The following KIF25 variants were observed in gnomAD, a reference collection of about 807,000 sequenced individuals.
KIF25 encodes kinesin-like protein KIF25.
A neutral mutation model predicts 32.9 loss-of-function variants in KIF25; 19 were observed. The observed-to-expected ratio is 0.58, with a 90% confidence interval of 0.40 to 0.85. The LOEUF (loss-of-function observed/expected upper bound fraction) is 0.85. KIF25 is among the 40% of genes least tolerant of loss of function. KIF25 has a pLI of 0.00. For synonymous variants in KIF25, 225 were observed against 213.7 expected (o/e 1.05, Z -0.46); for missense variants, 485 against 507.0 (o/e 0.96, Z 0.42).
chr6:168,021,098 G>A (rs765198457), intron 5 of KIF25, among the ~76,000 whole-genome samples: 1 of 152,210 alleles, frequency 6.6e-6, no homozygotes, highest in Non-Finnish European at 1.5e-5. Context: ...TTAAGACAGC[G>A]TGATAGAGGC....
chr6:168,019,949 T>C (rs535859987), intron 5 of KIF25, among the ~76,000 whole-genome samples: 1 of 152,234 alleles, frequency 6.6e-6, no homozygotes, highest in East Asian at 1.9e-4. Context: ...CCTGGCCAAA[T>C]GGTGAAACCC....
intron 4 of KIF25, among the ~76,000 whole-genome samples, chr6:168,009,208 A>G (rs9346639): frequency 0.2 from 30,718 of 151,930 alleles, 3,523 homozygotes; most frequent in East Asian, 0.3. Flanking sequence ...GGTTTGTTAT[A>G]TATTGTCTTT....
intron 4 of KIF25, among the ~76,000 whole-genome samples, chr6:168,013,998 C>G (rs565972114): frequency 4.0e-4 from 50 of 123,574 alleles, no homozygotes; most frequent in Middle Eastern, 4.1e-3. Flanking sequence ...TCCCACCATG[C>G]AAATATATAT....
rs529298270 is a variant in KIF25, at chr6:168,029,537, C to T, written c.-49C>T. 1 of 1,585,920 alleles carries T rather than the reference C, an allele frequency of 6.3e-7. No homozygotes were observed. Among genetic ancestry groups the T allele is most frequent in the Non-Finnish European group, 8.6e-7 (1 of 1,169,434 alleles). ...GACATGGACCTCAGGTCAGCTTCAGCGTGAGAAGCAGGCCAGGCCTGGGTC... is the reference window on the plus strand; with the variant it reads ...GACATGGACCTCAGGTCAGCTTCAGTGTGAGAAGCAGGCCAGGCCTGGGTC... On this transcript the variant is annotated 5_prime_UTR_variant, in exon 6 of 13. Transcript: ENST00000643607.
chr6:168,007,881 G>C (rs1798599270), intron 4 of KIF25, among the ~76,000 whole-genome samples: 1 of 152,162 alleles, frequency 6.6e-6, no homozygotes, highest in East Asian at 1.9e-4. Flanking sequence ...CATCTTAGTT[G>C]ATAAAGAAGC....
intron 5 of KIF25, among the ~76,000 whole-genome samples, chr6:168,029,023 T>C (rs1331263651): frequency 6.6e-6 from 1 of 152,222 alleles, no homozygotes; most frequent in Non-Finnish European, 1.5e-5. Context: ...CCATATTAGC[T>C]CCAAGTAGAG....
intron 4 of KIF25, among the ~76,000 whole-genome samples, chr6:168,017,192 GAC>G (rs1554249707): frequency 7.8e-6 from 1 of 128,394 alleles, no homozygotes; most frequent in Non-Finnish European, 1.8e-5. Context: ...TGTTATTGCA[GAC>G]ACACACACAC....
intron 8 of KIF25, among the ~76,000 whole-genome samples, chr6:168,035,281 G>A: frequency 6.6e-6 from 1 of 151,332 alleles, no homozygotes; most frequent in Non-Finnish European, 1.5e-5. Context: ...GTGCTTCCGA[G>A]GCCGTTTCCC....
At chr6:168,015,059 T>G (rs1453264718) in intron 4 of KIF25, among the ~76,000 whole-genome samples, 1 of 152,244 alleles carries the variant, frequency 6.6e-6, no homozygotes, top group African/African-American at 2.4e-5. Context: ...GACAAAATTT[T>G]TAATGGTCAG....
intron 10 of KIF25, among the ~76,000 whole-genome samples, chr6:168,040,756 A>G (rs1201771304): frequency 6.6e-6 from 1 of 152,212 alleles, no homozygotes; most frequent in East Asian, 1.9e-4. Flanking sequence ...TGCTAAATAA[A>G]ATATAATGCA....
At chr6:168,025,508 T>C (rs378910) in intron 5 of KIF25, among the ~76,000 whole-genome samples, 1 of 152,158 alleles carries the variant, frequency 6.6e-6, no homozygotes, top group Non-Finnish European at 1.5e-5. Flanking sequence ...GGCTGAACCG[T>C]GTCAGCTGGT....
chr6:168,031,202 A>G (rs1333577713), intron 7 of KIF25, among the ~76,000 whole-genome samples: 1 of 152,246 alleles, frequency 6.6e-6, no homozygotes, highest in Non-Finnish European at 1.5e-5. Context: ...AGGAATGTTA[A>G]TGTCAGATTT....
chr6:168,029,827 C>A, intron 6 of KIF25, 150 bp downstream of exon 6: 3 of 979,590 alleles, frequency 3.1e-6, no homozygotes, highest in Non-Finnish European at 4.5e-6. Flanking sequence ...AGCATCTTCC[C>A]ACACAGTGCT....
chr6:168,043,856 C>T (rs946977112), intron 12 of KIF25, among the ~76,000 whole-genome samples: 2 of 152,204 alleles, frequency 1.3e-5, no homozygotes, highest in African/African-American at 4.8e-5. Context: ...TAATTCTTAA[C>T]CCTCGTTACG....
chr6:168,025,507 G>A (rs952373850), intron 5 of KIF25, among the ~76,000 whole-genome samples: 15 of 152,236 alleles, frequency 9.9e-5, no homozygotes, highest in Admixed American at 3.9e-4. Flanking sequence ...TGGCTGAACC[G>A]TGTCAGCTGG....
chr6:168,022,118 T>G (rs1798795415), intron 5 of KIF25, among the ~76,000 whole-genome samples: 1 of 152,218 alleles, frequency 6.6e-6, no homozygotes, highest in African/African-American at 2.4e-5. Flanking sequence ...TCTATCTATA[T>G]CCTTTTAATG....
intron 5 of KIF25, among the ~76,000 whole-genome samples, chr6:168,021,216 T>C (rs1204866608): frequency 1.3e-5 from 2 of 152,238 alleles, no homozygotes; most frequent in Non-Finnish European, 2.9e-5. Context: ...GTGGGGGCTG[T>C]CCTCTTAATT....
Position 168,033,974 on chromosome 6 carries a change from C to G in KIF25, c.260C>G (p.Pro87Arg), listed in dbSNP as rs780114962. ...GRHSDDGPVL[P>R]LDPQSDLGII... ...CATTCGGACGACGGCCCTGTTCTGC[C>G]GCTTGACCCACAGAGTGACTTAGGA... Residue 87 changes from proline (P) to arginine (R), a missense_variant, in exon 8 of 13, where the codon CCG becomes CGG. Pro to Arg is a moderately radical substitution (Grantham distance 103). Around this residue, in one of 2 missense-constraint regions of KIF25, gnomAD observed 480 missense variants for 470.3 expected, o/e 1.02. Transcript: ENST00000643607. 3 of 1,614,148 alleles carry G rather than the reference C, an allele frequency of 1.9e-6. No individual in the cohort carries two copies. The highest frequency in any genetic ancestry group is 2.2e-5 in the East Asian group (1 of 44,876).
intron 11 of KIF25, 46 bp from the exon 12 acceptor site, chr6:168,042,512 GCCT>G (rs765000479): frequency 4.4e-6 from 7 of 1,579,472 alleles, no homozygotes; most frequent in Non-Finnish European, 6.0e-6. Flanking sequence ...TGCTTTTCCT[GCCT>G]CCTTTCTTGG....
Sources: allele counts gnomAD v4.1 joint callset (sites outside exome capture counted in the v4.1 genomes callset), GRCh38; gene constraint gnomAD v4.1.1; regional missense constraint gnomAD v4.1.1; transcripts MANE v1.5; gene names NCBI Gene and HGNC (gene_info 2026-07-23, HGNC 2026-07-21).